PEF1: variants seen among roughly 807,000 people sequenced by gnomAD.
PEF1 encodes the protein penta-EF-hand domain containing 1.
Under a neutral mutation model 32.0 loss-of-function variants are expected in PEF1, and 17 were observed. That is an observed-to-expected ratio of 0.53 (90% CI 0.36 to 0.80). The LOEUF is 0.80. Among genes scored for constraint, PEF1 ranks in the 30% least tolerant of loss-of-function variants. The pLI is 0.00. For synonymous variants in PEF1, 130 were observed against 139.8 expected, an observed-to-expected ratio of 0.93 and a Z score of 0.50; for missense variants, 362 against 369.1, an observed-to-expected ratio of 0.98 and a Z score of 0.16.
At chr1:31,631,380 C>A (rs2148615739) in intron 4 of PEF1, among the ~76,000 whole-genome samples, 1 of 152,306 alleles carries the variant, frequency 6.6e-6, no homozygotes, top group South Asian at 2.1e-4. Flanking sequence ...GTGACTGGCA[C>A]AGAAAAAGCA....
chr1:31,641,917 T>C (rs1326931610), intron 1 of PEF1, among the ~76,000 whole-genome samples: 1 of 152,256 alleles, frequency 6.6e-6, no homozygotes, highest in East Asian at 1.9e-4. Flanking sequence ...AGGTAGATAC[T>C]ATTATGACCC....
intron 1 of PEF1, among the ~76,000 whole-genome samples, chr1:31,636,076 C>T (rs901456466): frequency 2.6e-5 from 4 of 152,176 alleles, no homozygotes; most frequent in Non-Finnish European, 5.9e-5. Flanking sequence ...TATCCTCACT[C>T]ACAACTCTGT....
At chr1:31,638,980 T>TA (rs1640325543) in intron 1 of PEF1, among the ~76,000 whole-genome samples, 2 of 152,240 alleles carry the variant, frequency 1.3e-5, no homozygotes, top group Non-Finnish European at 2.9e-5. Context: ...AAAATCTACT[T>TA]ATGTGCTATC....
At chr1:31,633,543 C>A (rs1336279494) in intron 2 of PEF1, among the ~76,000 whole-genome samples, 1 of 152,126 alleles carries the variant, frequency 6.6e-6, no homozygotes, top group African/African-American at 2.4e-5. Flanking sequence ...GTATAGTGTT[C>A]CAGACACTAC....
rs982039010 is a variant in PEF1, at chr1:31,630,539, T to A, written c.*74A>T. The stretch of plus-strand genomic sequence containing the variant: ...TCTAGAGGGACAGGAAAAGAAGAGA[T>A]GTCCACATACTTCTCTCACTCTAAG... On this transcript the variant is annotated 3_prime_UTR_variant, in exon 5 of 5. Transcript: ENST00000373703. The A allele has an allele frequency of 5.2e-6, 7 of 1,347,748 alleles. No individual in the cohort carries two copies. The Admixed American group carries it at 1.3e-4, about 25-fold the overall frequency. 83.5% of individuals were successfully genotyped at this position (1,347,748 alleles called of 1,614,324 possible).
intron 1 of PEF1, among the ~76,000 whole-genome samples, chr1:31,636,745 T>C (rs893866088): frequency 6.6e-6 from 1 of 152,170 alleles, no homozygotes; most frequent in African/African-American, 2.4e-5. Context: ...TCCAGGAAAG[T>C]CACACACAGG....
intron 4 of PEF1, among the ~76,000 whole-genome samples, 188 bp from the exon 5 acceptor site, chr1:31,631,030 C>T (rs1307143034): frequency 2.0e-5 from 3 of 152,226 alleles, no homozygotes; most frequent in African/African-American, 7.2e-5. Flanking sequence ...TGTCTGGATG[C>T]TCCCCTTAGG....
chr1:31,639,013 T>C (rs1348189957), intron 1 of PEF1, among the ~76,000 whole-genome samples: 2 of 152,222 alleles, frequency 1.3e-5, no homozygotes, highest in African/African-American at 4.8e-5. Flanking sequence ...ATGGAGGAAT[T>C]TGTGCTGTTT....
chr1:31,630,696 G>A lies in PEF1; in HGVS notation c.772C>T (p.Arg258Trp), dbSNP rs775137790. The change falls in exon 5 of 5, where the codon CGG becomes TGG. Residue 258 changes from arginine to tryptophan, a missense_variant. Arg to Trp is a moderately radical substitution (Grantham distance 101, BLOSUM62 -3). Transcript: ENST00000373703. ...CCTTGTACAGCTGTGTCCTTCTCCC[G>A]GAAGGCCTCTGTCAGCACCTGCAGC... ...TQLQVLTEAFREKDTAVQGNI... is the reference protein window; with the variant it reads ...TQLQVLTEAFWEKDTAVQGNI... The A allele has an allele frequency of 9.3e-6, 15 of 1,613,924 alleles. No individual in the cohort carries two copies. Among genetic ancestry groups the A allele is most frequent in the Middle Eastern group, 1.7e-4 (1 of 6,000 alleles).
Position 31,635,284 on chromosome 1 carries a change from C to A in PEF1, c.263G>T (p.Gly88Val). Residue 88 changes from glycine (G) to valine (V), a missense_variant, in exon 2 of 5, where the codon GGC becomes GTC. Physicochemically the swap from Gly to Val is moderately radical, Grantham distance 109 (BLOSUM62 -3). Coordinates refer to ENST00000373703, the MANE Select transcript of PEF1 (RefSeq NM_012392.4). Reference sequence around the variant, plus strand: ...ACTTGGAGGTGGCTGACCATAGGGGCCCCCGGGAGCTGCACCGCCATATGG... The same window carrying A: ...ACTTGGAGGTGGCTGACCATAGGGGACCCCGGGAGCTGCACCGCCATATGG... ...GGPYGGAAPG[G>V]PYGQPPPSSY... 6.2e-7 allele frequency: 1 copy of A among 1,614,096 alleles called. No homozygotes were observed. Among genetic ancestry groups the A allele is most frequent in the Non-Finnish European group, 8.5e-7 (1 of 1,179,994 alleles).
chr1:31,634,717 A>G, intron 2 of PEF1: 1 of 382,904 alleles, frequency 2.6e-6, no homozygotes, highest in South Asian at 1.9e-5. Context: ...AGCATTGTAC[A>G]TCCTCTCCCA....
rs764113135 is a variant in PEF1, at chr1:31,644,858, T to G, written c.7A>C (p.Ser3Arg). The change falls in exon 1 of 5, where the codon AGC becomes CGC. Residue 3 changes from serine (S) to arginine (R), a missense_variant. Transcript: ENST00000373703. ...ACACTCACCTGCCGGTAAGGATAGC[T>G]GGCCATGGTGATTCTGACGTCACAC... MA[S>R]YPYRQGCPGA... 6 of 1,613,956 alleles carry G rather than the reference T, an allele frequency of 3.7e-6. No individual in the cohort carries two copies. In the South Asian group the frequency reaches 6.6e-5, roughly 18 times the overall value.
chr1:31,632,350 A>G (rs745840937), intron 4 of PEF1, 145 bp downstream of exon 4: 10 of 1,372,666 alleles, frequency 7.3e-6, no homozygotes, highest in Non-Finnish European at 9.3e-6. Flanking sequence ...AGAAGGGGTG[A>G]GGGATGCAGG....
intron 1 of PEF1, among the ~76,000 whole-genome samples, chr1:31,637,929 T>G (rs1403294708): frequency 1.3e-5 from 2 of 152,190 alleles, no homozygotes; most frequent in African/African-American, 2.4e-5. Flanking sequence ...GCTATATTAA[T>G]TACTGTTATC....
chr1:31,643,611 G>T (rs543126926), intron 1 of PEF1, among the ~76,000 whole-genome samples: 1 of 152,174 alleles, frequency 6.6e-6, no homozygotes, highest in Non-Finnish European at 1.5e-5. Flanking sequence ...TTAATTAGGG[G>T]TAATAATACC....
At chr1:31,642,069 T>C (rs1489593828) in intron 1 of PEF1, among the ~76,000 whole-genome samples, 1 of 152,138 alleles carries the variant, frequency 6.6e-6, no homozygotes, top group African/African-American at 2.4e-5. Flanking sequence ...CCGTCTCTAC[T>C]AAAAATACAA....
At position 31,635,199 on chromosome 1, in the gene PEF1, C is replaced by T. The variant is rs753176344; in HGVS notation, c.325+23G>A. 31 of 1,610,814 alleles carry T rather than the reference C, an allele frequency of 1.9e-5. No homozygotes were observed. In the South Asian group the frequency reaches 2.9e-4, roughly 15 times the overall value. On this transcript the variant is annotated intron_variant, in intron 2 of 4. Transcript: ENST00000373703. ...AACTCAGAACCACGTCAGAGGTACC[C>T]GGAGTCCAAGATTACTACTTACCCT...
At chr1:31,636,037 T>C (rs1334696993) in intron 1 of PEF1, among the ~76,000 whole-genome samples, 2 of 152,182 alleles carry the variant, frequency 1.3e-5, no homozygotes, top group African/African-American at 2.4e-5. Context: ...ACAGCATGTC[T>C]TCCTTACCCT....
chr1:31,632,416 AC>A (rs1640131655), intron 4 of PEF1, 78 bp downstream of exon 4: 1 of 1,601,178 alleles, frequency 6.2e-7, no homozygotes, highest in Admixed American at 1.7e-5. Context: ...ACAAGAGGAA[AC>A]CCCTTTGTTG....
Sources: gnomAD v4.1 joint callset for allele counts (sites outside exome capture counted in the v4.1 genomes callset) on GRCh38, gnomAD v4.1.1 for gene constraint, MANE v1.5 for transcripts, NCBI Gene and HGNC (gene_info 2026-07-23, HGNC 2026-07-21) for gene names.